ROBO2: variants seen among roughly 807,000 people sequenced by gnomAD.
The protein encoded by ROBO2 is roundabout guidance receptor 2.
Under a neutral mutation model 160.8 loss-of-function variants are expected in ROBO2, and 53 were observed. The observed-to-expected ratio is 0.33, with a 90% CI of 0.26 to 0.41. The LOEUF (loss-of-function observed/expected upper bound fraction) is 0.41. Among genes scored for constraint, ROBO2 ranks in the 10% least tolerant of loss-of-function variants. The pLI is 1.00. For synonymous variants in ROBO2, 664 were observed against 611.7 expected (o/e 1.09, Z -1.26); for missense variants, 1,577 against 1,722.4 (o/e 0.92, Z 1.49).
At chr3:76,307,717 C>G (rs1481010538) in intron 2 of ROBO2, among the ~76,000 whole-genome samples, 1 of 152,098 alleles carries the variant, frequency 6.6e-6, no homozygotes, top group Admixed American at 6.6e-5. Flanking sequence ...GTGCAGGATT[C>G]AAATTCTAGC....
chr3:76,428,119 C>T (rs1577119331), intron 2 of ROBO2, among the ~76,000 whole-genome samples: 1 of 152,062 alleles, frequency 6.6e-6, no homozygotes, highest in Admixed American at 6.6e-5. Flanking sequence ...GGTATTTCTG[C>T]TTCAGTAGTC....
chr3:76,238,868 T>C (rs566116077), intron 2 of ROBO2, among the ~76,000 whole-genome samples: 20 of 152,332 alleles, frequency 1.3e-4, no homozygotes, highest in Admixed American at 7.8e-4. Context: ...ACCATATCAC[T>C]GACTAGACCT....
intron 2 of ROBO2, among the ~76,000 whole-genome samples, chr3:76,233,562 C>T (rs920463162): frequency 1.3e-5 from 2 of 152,218 alleles, no homozygotes; most frequent in African/African-American, 2.4e-5. Context: ...TTCAGTCTCT[C>T]CCATTTGAAA....
At chr3:76,623,339 G>T (rs2089365711) in intron 2 of ROBO2, among the ~76,000 whole-genome samples, 1 of 152,116 alleles carries the variant, frequency 6.6e-6, no homozygotes, top group Non-Finnish European at 1.5e-5. Flanking sequence ...GCACTAGATG[G>T]GTTTTTGAGG....
chr3:76,439,138 T>C (rs1252450768), intron 2 of ROBO2, among the ~76,000 whole-genome samples: 2 of 152,186 alleles, frequency 1.3e-5, no homozygotes, highest in East Asian at 1.9e-4. Context: ...ACTTATCCAC[T>C]TACTCATCTA....
At chr3:76,338,118 G>A (rs1025934309) in intron 2 of ROBO2, among the ~76,000 whole-genome samples, 4 of 152,068 alleles carry the variant, frequency 2.6e-5, no homozygotes, top group African/African-American at 7.2e-5. Context: ...ATGTATTTGA[G>A]ACTTTAAGTA....
intron 2 of ROBO2, among the ~76,000 whole-genome samples, chr3:76,064,243 T>C (rs1472967556): frequency 6.6e-6 from 1 of 152,214 alleles, no homozygotes; most frequent in African/African-American, 2.4e-5. Flanking sequence ...TGTGTTGTGT[T>C]ACGCTTCTAA....
intron 2 of ROBO2, among the ~76,000 whole-genome samples, chr3:76,637,450 T>C (rs554056858): frequency 1.6e-4 from 25 of 152,096 alleles, no homozygotes; most frequent in African/African-American, 5.8e-4. Context: ...AAAAAAATAC[T>C]TGGGGGAAAA....
intron 2 of ROBO2, among the ~76,000 whole-genome samples, chr3:76,837,183 G>A (rs1299369103): frequency 6.6e-6 from 1 of 151,740 alleles, no homozygotes; most frequent in Non-Finnish European, 1.5e-5. Context: ...ATAGAACCAA[G>A]GAACAGTCAG....
At chr3:76,893,617 G>A (rs1472024005) in intron 2 of ROBO2, among the ~76,000 whole-genome samples, 4 of 151,894 alleles carry the variant, frequency 2.6e-5, no homozygotes, top group Non-Finnish European at 4.4e-5. Context: ...GATCAAGTCA[G>A]GGTGTTTAAG....
chr3:76,067,470 A>G (rs1445934903), intron 2 of ROBO2, among the ~76,000 whole-genome samples: 1 of 149,744 alleles, frequency 6.7e-6, no homozygotes, highest in African/African-American at 2.5e-5. Context: ...TTTCTTTGCA[A>G]TAGAATATAC....
intron 2 of ROBO2, among the ~76,000 whole-genome samples, chr3:77,412,603 G>A (rs1160113943): frequency 2.6e-5 from 4 of 152,152 alleles, no homozygotes; most frequent in African/African-American, 9.7e-5. Context: ...TTTGCTCCTG[G>A]AACACCCAAG....
chr3:76,351,890 G>C (rs1033058544), intron 2 of ROBO2, among the ~76,000 whole-genome samples: 1 of 151,808 alleles, frequency 6.6e-6, no homozygotes, highest in Non-Finnish European at 1.5e-5. Context: ...TTGTTGTGAA[G>C]GTAAAATCAG....
intron 2 of ROBO2, among the ~76,000 whole-genome samples, chr3:76,180,771 C>A (rs1301564589): frequency 6.6e-6 from 1 of 152,146 alleles, no homozygotes; most frequent in African/African-American, 2.4e-5. Context: ...AATCAGATTA[C>A]ACAACTCAAC....
At chr3:77,595,648 T>C (rs543685371) in intron 18 of ROBO2, among the ~76,000 whole-genome samples, 1 of 152,312 alleles carries the variant, frequency 6.6e-6, no homozygotes, top group East Asian at 1.9e-4. Flanking sequence ...TAAAAGCTGA[T>C]AACAAACTCA....
intron 2 of ROBO2, among the ~76,000 whole-genome samples, chr3:76,042,580 GT>G (rs1272704769): frequency 6.6e-5 from 10 of 151,972 alleles, no homozygotes; most frequent in African/African-American, 2.2e-4. Flanking sequence ...GTTTTATATT[GT>G]TTTATACTCA....
intron 2 of ROBO2, among the ~76,000 whole-genome samples, chr3:77,168,284 C>T (rs1170443947): frequency 3.3e-5 from 5 of 152,146 alleles, no homozygotes; most frequent in African/African-American, 9.7e-5. Context: ...TAATGCTAGC[C>T]TTGGTCTTAT....
At chr3:76,212,066 T>A (rs1034424017) in intron 2 of ROBO2, among the ~76,000 whole-genome samples, 4 of 151,998 alleles carry the variant, frequency 2.6e-5, no homozygotes, top group African/African-American at 9.7e-5. Context: ...AGAATAACCA[T>A]AATAAGTATA....
At chr3:76,492,861 T>A (rs1368378490) in intron 2 of ROBO2, among the ~76,000 whole-genome samples, 3 of 152,284 alleles carry the variant, frequency 2.0e-5, no homozygotes, top group African/African-American at 7.2e-5. Context: ...TTCTAGCAAT[T>A]TTTATAACGA....
Sources: gnomAD v4.1 joint callset for allele counts (sites outside exome capture counted in the v4.1 genomes callset) on GRCh38, gnomAD v4.1.1 for gene constraint, MANE v1.5 for transcripts, NCBI Gene and HGNC (gene_info 2026-07-23, HGNC 2026-07-21) for gene names.